Variants in CMYA5 observed in about 807,000 individuals in gnomAD.
CMYA5 encodes the protein cardiomyopathy associated 5.
CMYA5 carries 246 observed loss-of-function variants against 318.9 expected under a neutral mutation model. The observed-to-expected ratio is 0.77, with a 90% CI of 0.70 to 0.86. The LOEUF (loss-of-function observed/expected upper bound fraction) is 0.86, where lower values mean the gene tolerates loss of function less well. Ranked by LOEUF, CMYA5 falls within the 40% of genes least tolerant of loss-of-function variation. CMYA5 has a pLI of 0.00. For synonymous variants in CMYA5, 1,641 were observed against 1,729.5 expected, an observed-to-expected ratio of 0.95 and a Z score of 1.27; for missense variants, 4,589 against 4,678.2, an observed-to-expected ratio of 0.98 and a Z score of 0.56.
Position 79,729,398 on chromosome 5 carries a change from AC to A in CMYA5, c.634del (p.His212ThrfsTer4). The A allele has an allele frequency of 6.2e-7, 1 of 1,613,916 alleles. No homozygotes were observed. Among genetic ancestry groups the A allele is most frequent in the Non-Finnish European group, 8.5e-7 (1 of 1,179,824 alleles). The stretch of plus-strand genomic sequence containing the variant: ...CGATTACTGGGGCAATATACAAAGA[AC>A]ACAAGCCATTAGTGTTAAGACCAGT... Reference protein sequence around the residue: ...PPITGAIYKEHKPLVLRPVYI... With the variant: ...PPITGAIYKEXKPLVLRPVYI... On this transcript the variant is annotated frameshift_variant, in exon 2 of 13. Coordinates refer to ENST00000446378, the MANE Select transcript of CMYA5 (RefSeq NM_153610.5). LOFTEE classifies it high-confidence loss of function.
Position 79,732,316 on chromosome 5 carries a change from A to G in CMYA5, c.3551A>G (p.Gln1184Arg), listed in dbSNP as rs768986736. The change falls in exon 2 of 13, where the codon CAG becomes CGG. Residue 1184 changes from glutamine to arginine, a missense_variant. By Grantham distance (43) the Gln-to-Arg change is conservative. This residue lies in a region of CMYA5 where 2,132 missense variants were observed against 2,131.3 expected (regional missense o/e 1.00). Coordinates refer to ENST00000446378, the MANE Select transcript of CMYA5 (RefSeq NM_153610.5). The part of the protein sequence containing the change: ...PDSVPAIKKE[Q>R]EPTAALTLKA... ...TCAGTCCCTGCAATCAAGAAAGAACAGGAACCCACAGCAGCACTCACTCTA... is the reference window on the plus strand; with the variant it reads ...TCAGTCCCTGCAATCAAGAAAGAACGGGAACCCACAGCAGCACTCACTCTA... 6.2e-7 allele frequency: 1 copy of G among 1,613,854 alleles called. No individual in the cohort carries two copies. Among genetic ancestry groups the G allele is most frequent in the Non-Finnish European group, 8.5e-7 (1 of 1,179,854 alleles).
At chr5:79,767,322 A>G (rs1200727437) in intron 9 of CMYA5, among the ~76,000 whole-genome samples, 1 of 151,928 alleles carries the variant, frequency 6.6e-6, no homozygotes, top group African/African-American at 2.4e-5. Context: ...CTCTGATCTT[A>G]GTTATTTCTT....
intron 1 of CMYA5, among the ~76,000 whole-genome samples, chr5:79,707,718 C>G (rs1827300797): frequency 6.6e-6 from 1 of 152,184 alleles, no homozygotes; most frequent in Non-Finnish European, 1.5e-5. Flanking sequence ...ATATGAGCCA[C>G]CTGTTGAACT....
At chr5:79,707,464 A>C (rs749539656) in intron 1 of CMYA5, among the ~76,000 whole-genome samples, 14 of 152,336 alleles carry the variant, frequency 9.2e-5, no homozygotes, top group Non-Finnish European at 1.6e-4. Context: ...ATTAGAAGAC[A>C]TATTAATTTT....
At chr5:79,713,986 T>C (rs963177004) in intron 1 of CMYA5, among the ~76,000 whole-genome samples, 1 of 152,190 alleles carries the variant, frequency 6.6e-6, no homozygotes, top group African/African-American at 2.4e-5. Flanking sequence ...AGTCTATGTG[T>C]ATCCCACCGT....
At chr5:79,715,942 A>C (rs1827507574) in intron 1 of CMYA5, among the ~76,000 whole-genome samples, 1 of 152,214 alleles carries the variant, frequency 6.6e-6, no homozygotes, top group African/African-American at 2.4e-5. Flanking sequence ...GCTTATGCAA[A>C]TACAGATGTG....
chr5:79,712,479 C>T (rs1194202463), intron 1 of CMYA5, among the ~76,000 whole-genome samples: 1 of 151,758 alleles, frequency 6.6e-6, no homozygotes, highest in East Asian at 1.9e-4. Flanking sequence ...TCCCGAAGTT[C>T]TAGGATTACA....
At chr5:79,752,609 A>T in intron 5 of CMYA5, 67 bp from the exon 6 acceptor site, 1 of 1,204,222 alleles carries the variant, frequency 8.3e-7, no homozygotes, top group Non-Finnish European at 1.2e-6. Flanking sequence ...ATTTTGAACA[A>T]TTTTTTTCAC....
intron 9 of CMYA5, among the ~76,000 whole-genome samples, chr5:79,767,443 GC>G (rs920219979): frequency 2.0e-5 from 3 of 152,192 alleles, no homozygotes; most frequent in South Asian, 4.1e-4. Flanking sequence ...GGCATTTAGT[GC>G]TGTAAATTTC....
At chr5:79,694,305 A>C (rs1827026911) in intron 1 of CMYA5, among the ~76,000 whole-genome samples, 1 of 152,204 alleles carries the variant, frequency 6.6e-6, no homozygotes, top group African/African-American at 2.4e-5. Context: ...ATACATTTGT[A>C]TTTTCATTTG....
At chr5:79,696,951 G>T (rs1827079277) in intron 1 of CMYA5, among the ~76,000 whole-genome samples, 1 of 151,922 alleles carries the variant, frequency 6.6e-6, no homozygotes, top group South Asian at 2.1e-4. Flanking sequence ...AGGTTGCAGT[G>T]AGTTGAGACC....
Position 79,737,127 on chromosome 5 carries a change from T to C in CMYA5, c.8362T>C (p.Ser2788Pro), listed in dbSNP as rs1194292089. ...AGAAAGTATGAAAGAAGGATTTCCA[T>C]CTAAAGAATCCGAAAGGACTTTAGC... ...TKESMKEGFPSKESERTLARP... is the reference protein window; with the variant it reads ...TKESMKEGFPPKESERTLARP... Residue 2788 changes from serine to proline, a missense_variant, in exon 2 of 13, where the codon TCT becomes CCT. Coordinates refer to ENST00000446378, the MANE Select transcript of CMYA5 (RefSeq NM_153610.5). The C allele has an allele frequency of 6.2e-7, 1 of 1,613,274 alleles. No homozygotes were observed.
intron 1 of CMYA5, among the ~76,000 whole-genome samples, chr5:79,698,890 C>T (rs1035477175): frequency 2.6e-5 from 4 of 152,132 alleles, no homozygotes; most frequent in African/African-American, 9.7e-5. Flanking sequence ...GACACGGTGG[C>T]TCAAGGCCTG....
intron 1 of CMYA5, among the ~76,000 whole-genome samples, chr5:79,714,578 T>C (rs1827478754): frequency 6.6e-6 from 1 of 151,892 alleles, no homozygotes; most frequent in East Asian, 1.9e-4. Flanking sequence ...GCTGGGACTG[T>C]AGGCATGTGC....
intron 9 of CMYA5, among the ~76,000 whole-genome samples, chr5:79,774,808 C>T (rs1447995574): frequency 2.0e-5 from 3 of 152,218 alleles, no homozygotes; most frequent in Admixed American, 6.5e-5. Context: ...GCTGGGGACA[C>T]CCACTGCTCT....
chr5:79,743,784 C>T, intron 2 of CMYA5, 43 bp from the exon 3 acceptor site: 1 of 1,090,206 alleles, frequency 9.2e-7, no homozygotes. Flanking sequence ...AAGTTCTCTT[C>T]CTAAATGTCA....
chr5:79,705,271 CAAATA>C (rs1044260295), intron 1 of CMYA5, among the ~76,000 whole-genome samples: 1 of 152,040 alleles, frequency 6.6e-6, no homozygotes, highest in Non-Finnish European at 1.5e-5. Flanking sequence ...GACTTGGTCT[CAAATA>C]AATAAATAAA....
At chr5:79,707,035 G>T (rs550282663) in intron 1 of CMYA5, among the ~76,000 whole-genome samples, 1 of 151,870 alleles carries the variant, frequency 6.6e-6, no homozygotes, top group Non-Finnish European at 1.5e-5. Context: ...TCAAAACTAG[G>T]TGTGAACTCC....
chr5:79,784,762 C>T lies in CMYA5; in HGVS notation c.11556-4209C>T, dbSNP rs528505381. 1.8e-4 allele frequency among the ~76,000 whole-genome samples: 26 copies of T among 147,026 alleles called. No individual in the cohort carries two copies. The East Asian group carries it at 4.5e-3, about 25-fold the overall frequency. On this transcript the variant is annotated intron_variant, in intron 9 of 12. Coordinates refer to ENST00000446378, the MANE Select transcript of CMYA5 (RefSeq NM_153610.5). ...GCGCTTCCCAGGTGAGGCAATGCCT[C>T]GCCCTGCTTCGGCTCGCTCACGGTG...
Sources: allele counts gnomAD v4.1 joint callset (sites outside exome capture counted in the v4.1 genomes callset), GRCh38; gene constraint gnomAD v4.1.1; regional missense constraint gnomAD v4.1.1; transcripts MANE v1.5; gene names NCBI Gene and HGNC (gene_info 2026-07-23, HGNC 2026-07-21).